DNAH6: variants seen among roughly 807,000 people sequenced by gnomAD.
The protein encoded by DNAH6 is dynein axonemal heavy chain 6, also known as axonemal beta dynein heavy chain 6.
DNAH6 carries 340 observed loss-of-function variants against 491.4 expected under a neutral mutation model. The ratio of observed to expected loss-of-function variants is 0.69; its 90% CI spans 0.63 to 0.76. The LOEUF is 0.76. Among genes scored for constraint, DNAH6 ranks in the 30% least tolerant of loss-of-function variants. The pLI is 0.00. For synonymous variants in DNAH6, 1,603 were observed against 1,686.1 expected (o/e 0.95, Z 1.21); for missense variants, 4,443 against 4,972.2 (o/e 0.89, Z 3.20).
intron 11 of DNAH6, among the ~76,000 whole-genome samples, chr2:84,571,530 C>T (rs753812980): frequency 6.6e-6 from 1 of 152,102 alleles, no homozygotes; most frequent in African/African-American, 2.4e-5. Context: ...AAATATAAAA[C>T]ACACACATGC....
chr2:84,526,637 A>G (rs1315885160), intron 3 of DNAH6, among the ~76,000 whole-genome samples: 3 of 152,158 alleles, frequency 2.0e-5, no homozygotes, highest in Non-Finnish European at 4.4e-5. Flanking sequence ...GATAGATAAG[A>G]TGAGAGAGGT....
intron 18 of DNAH6, among the ~76,000 whole-genome samples, chr2:84,603,799 A>G (rs1327584387): frequency 6.6e-6 from 1 of 152,152 alleles, no homozygotes; most frequent in African/African-American, 2.4e-5. Flanking sequence ...TTCCCTGTAC[A>G]TCAAGGGATT....
chr2:84,590,359 G>T (rs1683991631), intron 16 of DNAH6, among the ~76,000 whole-genome samples: 1 of 152,004 alleles, frequency 6.6e-6, no homozygotes, highest in African/African-American at 2.4e-5. Flanking sequence ...GCTGGGCGTA[G>T]TGGCAGGCGC....
chr2:84,807,466 C>G (rs930312562), intron 71 of DNAH6, among the ~76,000 whole-genome samples: 1 of 152,192 alleles, frequency 6.6e-6, no homozygotes, highest in East Asian at 1.9e-4. Flanking sequence ...AACTATGGGC[C>G]TGTTTAATAA....
At chr2:84,590,114 A>G (rs922360015) in intron 16 of DNAH6, among the ~76,000 whole-genome samples, 3 of 152,104 alleles carry the variant, frequency 2.0e-5, no homozygotes, top group Non-Finnish European at 1.5e-5. Context: ...TGTGAGTTCA[A>G]AGTTGTTCCC....
chr2:84,487,960 C>T, the DNAH6 span, among the ~76,000 whole-genome samples: 1 of 152,128 alleles, frequency 6.6e-6, no homozygotes, highest in African/African-American at 2.4e-5. Context: ...GATATTTGTA[C>T]ATGTCAAAGC....
chr2:84,462,164 C>G, the DNAH6 span, among the ~76,000 whole-genome samples: 1 of 152,234 alleles, frequency 6.6e-6, no homozygotes, highest in Non-Finnish European at 1.5e-5. Context: ...AGAACTCAGT[C>G]ATCACTCTGA....
intron 17 of DNAH6, among the ~76,000 whole-genome samples, chr2:84,595,229 AC>A (rs1319223650): frequency 3.0e-4 from 45 of 152,338 alleles, no homozygotes; most frequent in African/African-American, 9.9e-4. Flanking sequence ...ATTGAGAAAA[AC>A]AATTATAGAT....
At chr2:84,560,705 T>C (rs1283390998) in intron 11 of DNAH6, among the ~76,000 whole-genome samples, 4 of 151,962 alleles carry the variant, frequency 2.6e-5, no homozygotes, top group Non-Finnish European at 4.4e-5. Context: ...TGAGAACATG[T>C]GGTGTTTGGT....
At chr2:84,493,936 C>T in the DNAH6 span, among the ~76,000 whole-genome samples, 43 of 152,260 alleles carry the variant, frequency 2.8e-4, no homozygotes, top group African/African-American at 1.0e-3. Context: ...CCAAGGCACA[C>T]AAGGTGTATT....
intron 14 of DNAH6, among the ~76,000 whole-genome samples, chr2:84,581,990 A>T (rs543282523): frequency 5.9e-5 from 9 of 152,216 alleles, no homozygotes; most frequent in Non-Finnish European, 8.8e-5. Flanking sequence ...TTGTACTAGG[A>T]CAATAAGTGT....
intron 11 of DNAH6, among the ~76,000 whole-genome samples, chr2:84,560,415 A>G (rs1190376403): frequency 6.6e-6 from 1 of 151,410 alleles, no homozygotes; most frequent in Non-Finnish European, 1.5e-5. Flanking sequence ...TAGTCTTTTA[A>G]GTATCAAGGC....
intron 62 of DNAH6, among the ~76,000 whole-genome samples, chr2:84,737,749 A>G (rs1699638099): frequency 1.3e-5 from 2 of 151,956 alleles, no homozygotes; most frequent in East Asian, 1.9e-4. Context: ...CTTATGGTCT[A>G]TCAATCTTGT....
Position 84,816,018 on chromosome 2 carries a change from G to A in DNAH6, c.12308G>A (p.Ser4103Asn). ...GAACCACAACAAAACTATAAGCCAA[G>A]CCCAACACTTTACCACTGCCCACTT... ...HFEPQQNYKP[S>N]PTLYHCPLYK... The change falls in exon 76 of 77, where the codon AGC becomes AAC. Residue 4103 changes from serine (S) to asparagine (N), a missense_variant. By Grantham distance (46) the Ser-to-Asn change is conservative. Around this residue, in one of 3 missense-constraint regions of DNAH6, gnomAD observed 1,463 missense variants for 1,656.6 expected, o/e 0.88. Coordinates refer to ENST00000389394, the MANE Select transcript of DNAH6 (RefSeq NM_001370.2). 1 of 1,551,776 alleles carries A rather than the reference G, an allele frequency of 6.4e-7. No individual in the cohort carries two copies. The highest frequency in any genetic ancestry group is 8.7e-7 in the Non-Finnish European group (1 of 1,147,022).
chr2:84,526,940 A>G (rs1676655987), intron 3 of DNAH6, among the ~76,000 whole-genome samples: 1 of 152,158 alleles, frequency 6.6e-6, no homozygotes, highest in African/African-American at 2.4e-5. Context: ...CTGAAAAGGA[A>G]TATTAGGTTG....
intron 64 of DNAH6, among the ~76,000 whole-genome samples, chr2:84,765,936 A>G (rs1675033195): frequency 6.6e-6 from 1 of 152,132 alleles, no homozygotes; most frequent in South Asian, 2.1e-4. Flanking sequence ...TGTATATCAC[A>G]AAACAGCGTT....
intron 26 of DNAH6, among the ~76,000 whole-genome samples, chr2:84,622,187 G>A (rs530002658): frequency 2.3e-4 from 35 of 152,196 alleles, no homozygotes; most frequent in Admixed American, 9.2e-4. Flanking sequence ...AATAGATCAT[G>A]CAGGATTATC....
intron 33 of DNAH6, among the ~76,000 whole-genome samples, chr2:84,650,619 A>T (rs1231829322): frequency 1.3e-5 from 2 of 152,032 alleles, no homozygotes; most frequent in African/African-American, 4.8e-5. Context: ...GTGTGTAGTC[A>T]CATGTACCTA....
At chr2:84,784,578 A>G (rs780551234) in intron 65 of DNAH6, 144 bp from the exon 66 acceptor site, 253 of 605,490 alleles carry the variant, frequency 4.2e-4, no homozygotes, top group Non-Finnish European at 5.0e-4. Flanking sequence ...AACAGTTTAC[A>G]CTATACTTGT....
Sources: allele counts gnomAD v4.1 joint callset (sites outside exome capture counted in the v4.1 genomes callset), GRCh38; gene constraint gnomAD v4.1.1; regional missense constraint gnomAD v4.1.1; transcripts MANE v1.5; gene names NCBI Gene and HGNC (gene_info 2026-07-23, HGNC 2026-07-21).